The following SLC39A9 variants were observed in gnomAD, a reference collection of about 807,000 sequenced individuals.
The protein encoded by SLC39A9 is solute carrier family 39 member 9, also known as zinc transporter ZIP9.
In SLC39A9, 14 loss-of-function variants were observed where a neutral mutation model predicts 28.4. That is an observed-to-expected ratio of 0.49 (90% CI 0.33 to 0.77). SLC39A9 has a LOEUF of 0.77. Among genes scored for constraint, SLC39A9 ranks in the 30% least tolerant of loss-of-function variants. SLC39A9 has a pLI of 0.02. For missense variants in SLC39A9, 283 were observed against 381.1 expected (o/e 0.74, Z 2.14); for synonymous variants, 119 against 149.6 (o/e 0.80, Z 1.49).
intron 3 of SLC39A9, among the ~76,000 whole-genome samples, chr14:69,449,226 A>G (rs950626658): frequency 2.6e-5 from 4 of 152,196 alleles, no homozygotes; most frequent in African/African-American, 9.7e-5. Flanking sequence ...CCTTACTCCA[A>G]ACAGCAAATG....
At chr14:69,447,913 CAAAAA>C (rs34116080) in intron 3 of SLC39A9, among the ~76,000 whole-genome samples, 1 of 97,134 alleles carries the variant, frequency 1.0e-5, no homozygotes, top group Non-Finnish European at 2.0e-5. Context: ...GCCCTGTCTC[CAAAAA>C]AAAAAAAAAA....
At chr14:69,409,939 G>C (rs1056398121) in intron 1 of SLC39A9, among the ~76,000 whole-genome samples, 2 of 152,100 alleles carry the variant, frequency 1.3e-5, no homozygotes, top group Non-Finnish European at 2.9e-5. Flanking sequence ...TTTTAAAACT[G>C]TACCAATTTC....
At chr14:69,436,351 G>A (rs1468120180) in intron 2 of SLC39A9, among the ~76,000 whole-genome samples, 1 of 152,158 alleles carries the variant, frequency 6.6e-6, no homozygotes, top group East Asian at 1.9e-4. Context: ...TGATCTGTGG[G>A]TTGGGTTGAT....
intron 2 of SLC39A9, among the ~76,000 whole-genome samples, chr14:69,428,047 A>G (rs1244692519): frequency 6.6e-6 from 1 of 152,202 alleles, no homozygotes; most frequent in Non-Finnish European, 1.5e-5. Context: ...TTGGGAGTCA[A>G]GGCGGGTGGA....
At chr14:69,414,308 T>C (rs749200503) in intron 1 of SLC39A9, among the ~76,000 whole-genome samples, 9 of 152,224 alleles carry the variant, frequency 5.9e-5, no homozygotes, top group Admixed American at 2.6e-4. Flanking sequence ...CAATGTAGTT[T>C]TTCATGTGAC....
intron 2 of SLC39A9, among the ~76,000 whole-genome samples, chr14:69,427,083 C>G (rs1231205364): frequency 1.3e-5 from 2 of 151,086 alleles, no homozygotes; most frequent in Admixed American, 1.3e-4. Flanking sequence ...ATCACTGCAG[C>G]CTTGACTTCC....
Position 69,399,281 on chromosome 14 carries a change from C to A in SLC39A9, c.-89C>A. ...AACTGGAAAGCCCACTCTCTTGGAA[C>A]CACCACACCTGTTTAAAGAACCTAA... is the stretch of plus-strand genomic sequence containing the variant. On this transcript the variant is annotated 5_prime_UTR_variant, in exon 1 of 7. Transcript: ENST00000336643. 8.6e-7 allele frequency: 1 copy of A among 1,161,626 alleles called. No homozygotes were observed. Among genetic ancestry groups the A allele is most frequent in the Non-Finnish European group, 1.3e-6 (1 of 790,934 alleles). 72.0% of individuals were successfully genotyped at this position (1,161,626 alleles called of 1,614,324 possible). A position where few individuals can be genotyped will look rare whatever the true frequency, so the allele number is the denominator to read the frequency against.
At position 69,399,172 on chromosome 14, in the gene SLC39A9, A is replaced by G. The variant is rs1031209730; in HGVS notation, c.-198A>G. The stretch of plus-strand genomic sequence containing the variant: ...ATTGCTGTAAGCTTTCTCTGGTGCT[A>G]ATATCAGCAAAAAGGGTCTGTTGCC... On this transcript the variant is annotated 5_prime_UTR_variant, in exon 1 of 7. Transcript: ENST00000336643. 1.7e-6 allele frequency: 1 copy of G among 575,930 alleles called. No homozygotes were observed. The highest frequency in any genetic ancestry group is 2.0e-5 in the African/African-American group (1 of 51,250). 35.7% of individuals were successfully genotyped at this position (575,930 alleles called of 1,614,324 possible).
intron 2 of SLC39A9, among the ~76,000 whole-genome samples, chr14:69,439,328 T>C (rs963478460): frequency 1.1e-4 from 16 of 152,102 alleles, no homozygotes; most frequent in African/African-American, 2.7e-4. Context: ...ACTTAAAGTA[T>C]AATTTTTAAA....
At chr14:69,457,585 G>C (rs7155178) in intron 6 of SLC39A9, among the ~76,000 whole-genome samples, 28,953 of 152,124 alleles carry the variant, frequency 0.19, 2,893 homozygotes, top group South Asian at 0.27. Flanking sequence ...CCAGAGCCTG[G>C]TGCATAGATG....
chr14:69,424,681 C>T (rs1884095064), intron 2 of SLC39A9, among the ~76,000 whole-genome samples: 1 of 152,024 alleles, frequency 6.6e-6, no homozygotes, highest in African/African-American at 2.4e-5. Context: ...AACAGTATAG[C>T]TGTGTGAGAG....
chr14:69,455,879 A>G lies in SLC39A9; in HGVS notation c.693+13A>G, dbSNP rs1362546681. ...AGGACTGAGTAAGGTAAGCTAATCT[A>G]TTCCCAGCTATCTAAACCAGTGTCT... On this transcript the variant is annotated intron_variant, in intron 6 of 6. Transcript: ENST00000336643. 3.7e-6 allele frequency: 6 copies of G among 1,613,202 alleles called. No individual in the cohort carries two copies. In the South Asian group the frequency reaches 4.4e-5, roughly 12 times the overall value.
intron 1 of SLC39A9, among the ~76,000 whole-genome samples, chr14:69,410,142 A>G (rs1026759079): frequency 6.6e-5 from 10 of 152,232 alleles, no homozygotes; most frequent in Non-Finnish European, 1.2e-4. Flanking sequence ...AAGGAATTTT[A>G]TGCAAAAAGA....
intron 5 of SLC39A9, 58 bp downstream of exon 5, chr14:69,454,955 C>A: frequency 7.5e-7 from 1 of 1,327,040 alleles, no homozygotes; most frequent in Non-Finnish European, 1.1e-6. Context: ...TAAAATTTCT[C>A]ATGGTCCTTA....
upstream of SLC39A9, chr14:69,398,498 C>T (rs1882433995): frequency 1.7e-6 from 1 of 576,454 alleles, no homozygotes. Flanking sequence ...TTTTTCAAGA[C>T]GCTGTCTTCC....
At position 69,440,054 on chromosome 14, in the gene SLC39A9, G is replaced by A. The variant is rs376155953; in HGVS notation, c.206-2015G>A. On this transcript the variant is annotated intron_variant, in intron 2 of 6. Transcript: ENST00000336643. ...AATCGTGGCGGAAAGCAAAGGGGAA[G>A]CAAGGCACCTTCTTCACAAGGCCGC... Among the ~76,000 whole-genome samples the A allele has an allele frequency of 3.7e-4, 57 of 152,316 alleles. 3 individuals are homozygous for A. Among genetic ancestry groups the A allele is most frequent in the East Asian group, 3.1e-3 (16 of 5,186 alleles).
chr14:69,455,860 G>A lies in SLC39A9; in HGVS notation c.687G>A (p.Leu229=). Residue 229 remains leucine (L), a synonymous_variant, in exon 6 of 7, where the codon CTG becomes CTA. Transcript: ENST00000336643. ...PVMSMVTYLG[L]SKSSKEALSE... ...TGTCCATGGTGACATACTTAGGACT[G>A]AGTAAGGTAAGCTAATCTATTCCCA... is the stretch of plus-strand genomic sequence containing the variant. The A allele has an allele frequency of 1.2e-6, 2 of 1,613,994 alleles. No homozygotes were observed. Among genetic ancestry groups the A allele is most frequent in the South Asian group, 1.1e-5 (1 of 91,034 alleles).
intron 1 of SLC39A9, among the ~76,000 whole-genome samples, chr14:69,408,046 C>T (rs971624397): frequency 6.7e-6 from 1 of 150,232 alleles, no homozygotes. Flanking sequence ...TGGAGTCTTG[C>T]TCTGTTGCCC....
At chr14:69,435,698 G>A (rs949370273) in intron 2 of SLC39A9, among the ~76,000 whole-genome samples, 3 of 151,774 alleles carry the variant, frequency 2.0e-5, no homozygotes, top group African/African-American at 7.3e-5. Flanking sequence ...TTTGAGACAG[G>A]GTCTTGCTCT....
Sources: allele counts gnomAD v4.1 joint callset (sites outside exome capture counted in the v4.1 genomes callset), GRCh38; gene constraint gnomAD v4.1.1; transcripts MANE v1.5; gene names NCBI Gene and HGNC (gene_info 2026-07-23, HGNC 2026-07-21).